The following SHROOM3 variants were observed in gnomAD, a reference collection of about 807,000 sequenced individuals.
The protein encoded by SHROOM3 is shroom family member 3, also known as protein Shroom3.
In SHROOM3, 47 loss-of-function variants were observed where a neutral mutation model predicts 138.6. The ratio of observed to expected loss-of-function variants is 0.34; its 90% CI spans 0.27 to 0.43. SHROOM3 has a LOEUF of 0.43. Ranked by LOEUF, SHROOM3 falls within the 20% of genes least tolerant of loss-of-function variation. SHROOM3 has a pLI of 1.00. For synonymous variants in SHROOM3, 1,062 were observed against 1,063.3 expected (o/e 1.00, Z 0.02); for missense variants, 2,491 against 2,596.5 (o/e 0.96, Z 0.88).
At chr4:76,565,522 T>G (rs1733703570) in intron 2 of SHROOM3, among the ~76,000 whole-genome samples, 1 of 152,196 alleles carries the variant, frequency 6.6e-6, no homozygotes, top group Admixed American at 6.5e-5. Flanking sequence ...AGACAAGATC[T>G]TACTCTGTTG....
Position 76,442,548 on chromosome 4 carries a change from T to C in SHROOM3, c.168+6328T>C, listed in dbSNP as rs2109964700. On this transcript the variant is annotated intron_variant, in intron 1 of 10. Coordinates refer to ENST00000296043, the MANE Select transcript of SHROOM3 (RefSeq NM_020859.4). ...CCTCAGCCTCCTGAGTAGCAGGGAC[T>C]ATAGGCGTCCGCCACCACGCACGGC... 1.3e-5 allele frequency among the ~76,000 whole-genome samples: 2 copies of C among 152,056 alleles called. 1 individual carries two copies. The highest frequency in any genetic ancestry group is 4.2e-4 in the South Asian group (2 of 4,796).
intron 2 of SHROOM3, among the ~76,000 whole-genome samples, chr4:76,566,455 T>C (rs1463489697): frequency 6.6e-6 from 1 of 152,166 alleles, no homozygotes; most frequent in East Asian, 1.9e-4. Context: ...ACACTTTGTA[T>C]ACCCTTAGCA....
At chr4:76,769,163 A>C (rs976043462) in intron 9 of SHROOM3, among the ~76,000 whole-genome samples, 1 of 151,546 alleles carries the variant, frequency 6.6e-6, no homozygotes. Context: ...CCAACATAGA[A>C]GTTGTAACCT....
chr4:76,693,339 T>C (rs1296395096), intron 2 of SHROOM3, among the ~76,000 whole-genome samples: 1 of 150,312 alleles, frequency 6.7e-6, no homozygotes. Flanking sequence ...CTTATCATTA[T>C]TACTATGCAT....
intron 1 of SHROOM3, among the ~76,000 whole-genome samples, chr4:76,542,040 G>A (rs1341972286): frequency 1.3e-4 from 1 of 7,608 alleles, no homozygotes; most frequent in African/African-American, 1.7e-4. Flanking sequence ...AAACAATTGT[G>A]ATGAGGAGGA....
At chr4:76,441,112 CAG>C (rs1730666594) in intron 1 of SHROOM3, among the ~76,000 whole-genome samples, 1 of 28,614 alleles carries the variant, frequency 3.5e-5, no homozygotes, top group African/African-American at 8.1e-5. Flanking sequence ...TTTTTTGAGA[CAG>C]AGTCTCACTC....
intron 9 of SHROOM3, among the ~76,000 whole-genome samples, chr4:76,769,388 G>A (rs1278833467): frequency 2.0e-5 from 3 of 151,410 alleles, no homozygotes; most frequent in Non-Finnish European, 4.4e-5. Context: ...TTTCCATCTA[G>A]CTATTTTAGG....
intron 1 of SHROOM3, among the ~76,000 whole-genome samples, chr4:76,508,068 A>G (rs1732251076): frequency 6.6e-6 from 1 of 152,056 alleles, no homozygotes; most frequent in Admixed American, 6.5e-5. Context: ...AATTTTGATG[A>G]TGTCCAATTT....
At chr4:76,602,203 T>C (rs1734521249) in intron 2 of SHROOM3, among the ~76,000 whole-genome samples, 1 of 152,178 alleles carries the variant, frequency 6.6e-6, no homozygotes, top group African/African-American at 2.4e-5. Context: ...ATTTATTGAA[T>C]ACTTACCATC....
intron 2 of SHROOM3, among the ~76,000 whole-genome samples, chr4:76,629,737 G>A (rs13117032): frequency 6.6e-6 from 1 of 151,694 alleles, no homozygotes; most frequent in Non-Finnish European, 1.5e-5. Context: ...AGCTTTTAGT[G>A]TTGAGTACCA....
At chr4:76,544,385 A>G (rs559484843) in intron 1 of SHROOM3, among the ~76,000 whole-genome samples, 2 of 147,284 alleles carry the variant, frequency 1.4e-5, no homozygotes, top group African/African-American at 4.9e-5. Context: ...TTTCCTCAAA[A>G]AATTTTAAGA....
intron 3 of SHROOM3, among the ~76,000 whole-genome samples, chr4:76,718,138 T>TA (rs1369945974): frequency 6.6e-6 from 1 of 152,214 alleles, no homozygotes; most frequent in Non-Finnish European, 1.5e-5. Context: ...ATGTAAAAGA[T>TA]AAAAAAGACA....
At position 76,741,367 on chromosome 4, in the gene SHROOM3, G is replaced by C. The variant is rs1406545038; in HGVS notation, c.3194G>C (p.Gly1065Ala). ...ADRRRLFERD[G>A]KACSTLSLSG... ...CGGCGCCGTCTCTTCGAGCGCGATG[G>C]CAAGGCCTGCTCCACGCTCAGCCTG... is the stretch of plus-strand genomic sequence containing the variant. Residue 1065 changes from glycine to alanine, a missense_variant, in exon 5 of 11, where the codon GGC becomes GCC. Gly to Ala is a moderately conservative substitution (Grantham distance 60, BLOSUM62 0). Coordinates refer to ENST00000296043, the MANE Select transcript of SHROOM3 (RefSeq NM_020859.4). This position sits in a 1 kb window ranked among gnomAD's most constrained non-coding sequence, Gnocchi z 6.2. 6 of 1,606,188 alleles carry C rather than the reference G, an allele frequency of 3.7e-6. No individual in the cohort carries two copies. The East Asian group carries it at 1.3e-4, about 36-fold the overall frequency.
rs190943419 is a variant in SHROOM3, at chr4:76,471,417, G to T, written c.168+35197G>T. On this transcript the variant is annotated intron_variant, in intron 1 of 10. Transcript: ENST00000296043. Reference sequence around the variant, plus strand: ...CACCACCACGCCTGGCTAATTTTTTGATTTTTAGTAGAGATGGGTTTTCAC... The same window carrying T: ...CACCACCACGCCTGGCTAATTTTTTTATTTTTAGTAGAGATGGGTTTTCAC... 8.5e-3 allele frequency among the ~76,000 whole-genome samples: 1,292 copies of T among 151,816 alleles called. 11 individuals carry two copies. The highest frequency in any genetic ancestry group is 0.014 in the African/African-American group (590 of 41,426).
chr4:76,547,041 G>A (rs915041629), intron 1 of SHROOM3, among the ~76,000 whole-genome samples: 1 of 152,210 alleles, frequency 6.6e-6, no homozygotes, highest in African/African-American at 2.4e-5. Flanking sequence ...CACCGGCAGT[G>A]CGTGCCAGCT....
intron 2 of SHROOM3, among the ~76,000 whole-genome samples, chr4:76,596,056 C>T (rs1734376525): frequency 6.6e-6 from 1 of 151,932 alleles, no homozygotes; most frequent in Non-Finnish European, 1.5e-5. Flanking sequence ...TCTTTTTTTT[C>T]ACCTTGCTCT....
chr4:76,708,523 G>A (rs1415770546), intron 2 of SHROOM3, among the ~76,000 whole-genome samples: 1 of 152,194 alleles, frequency 6.6e-6, no homozygotes, highest in African/African-American at 2.4e-5. Context: ...GGGTCTAAAG[G>A]GGTCCTGAAA....
At chr4:76,643,211 CAAA>C (rs34800196) in intron 2 of SHROOM3, among the ~76,000 whole-genome samples, 21,781 of 125,048 alleles carry the variant, frequency 0.17, 1,995 homozygotes, top group East Asian at 0.32. Flanking sequence ...GATGCTGTCT[CAAA>C]AAAAAAAAAA....
chr4:76,623,941 A>G (rs1476175559), intron 2 of SHROOM3, among the ~76,000 whole-genome samples: 6 of 152,202 alleles, frequency 3.9e-5, no homozygotes, highest in South Asian at 2.1e-4. Context: ...GAGATGGTTT[A>G]TTTCTGAGAG....
Sources: gnomAD v4.1 joint callset for allele counts (sites outside exome capture counted in the v4.1 genomes callset) on GRCh38, gnomAD v4.1.1 for gene constraint, Gnocchi (gnomAD v3.1) non-coding constraint, MANE v1.5 for transcripts, NCBI Gene and HGNC (gene_info 2026-07-23, HGNC 2026-07-21) for gene names.